Variants in TNRC6A observed in about 807,000 individuals in gnomAD.
TNRC6A encodes trinucleotide repeat containing adaptor 6A, also known as trinucleotide repeat-containing gene 6A protein.
A neutral mutation model predicts 221.2 loss-of-function variants in TNRC6A; 44 were observed. The observed-to-expected ratio is 0.20, with a 90% CI of 0.16 to 0.26. The LOEUF (loss-of-function observed/expected upper bound fraction) is 0.26, where lower values mean the gene tolerates loss of function less well. Among genes scored for constraint, TNRC6A ranks in the 10% least tolerant of loss-of-function variants. The pLI is 1.00. For missense variants in TNRC6A, 2,199 were observed against 2,404.4 expected, an observed-to-expected ratio of 0.91 and a Z score of 1.79; for synonymous variants, 847 against 838.5, an observed-to-expected ratio of 1.01 and a Z score of -0.18.
intron 18 of TNRC6A, 123 bp from the exon 19 acceptor site, chr16:24,815,024 C>G (rs1461523797): frequency 9.5e-7 from 1 of 1,054,130 alleles, no homozygotes; most frequent in African/African-American, 1.6e-5. Flanking sequence ...AAGAGTTACT[C>G]TAGAGAACAC....
At chr16:24,776,683 C>T in intron 4 of TNRC6A, 1 of 985,390 alleles carries the variant, frequency 1.0e-6, no homozygotes, top group South Asian at 4.7e-5. Context: ...AGATAGTGAA[C>T]ATGAGTTGTT....
chr16:24,741,337 C>G (rs897697990), intron 2 of TNRC6A, among the ~76,000 whole-genome samples: 1 of 152,096 alleles, frequency 6.6e-6, no homozygotes, highest in Admixed American at 6.5e-5. Context: ...GTGTTTTTGT[C>G]TTGTAAAAGG....
intron 2 of TNRC6A, among the ~76,000 whole-genome samples, chr16:24,681,998 C>T (rs1349900012): frequency 2.0e-5 from 3 of 152,170 alleles, no homozygotes; most frequent in Non-Finnish European, 4.4e-5. Flanking sequence ...CTGTTCCCCA[C>T]GGCCTCGCCA....
intron 4 of TNRC6A, among the ~76,000 whole-genome samples, chr16:24,771,947 A>T (rs2151663606): frequency 6.6e-6 from 1 of 152,350 alleles, no homozygotes; most frequent in Middle Eastern, 3.4e-3. Flanking sequence ...ATATAGTCAC[A>T]TCCATTTGTT....
intron 5 of TNRC6A, among the ~76,000 whole-genome samples, chr16:24,785,795 CCA>C (rs2057953688): frequency 6.6e-6 from 1 of 152,144 alleles, no homozygotes; most frequent in African/African-American, 2.4e-5. Context: ...GTGAAAGTGG[CCA>C]CACACACTTA....
At chr16:24,807,663 T>TA (rs1024909151) in intron 17 of TNRC6A, among the ~76,000 whole-genome samples, 3 of 151,456 alleles carry the variant, frequency 2.0e-5, no homozygotes, top group Admixed American at 6.6e-5. Flanking sequence ...TTTTCTCTGT[T>TA]ATCTCCAGGC....
chr16:24,787,243 A>C (rs2057993526), intron 5 of TNRC6A, among the ~76,000 whole-genome samples: 2 of 152,202 alleles, frequency 1.3e-5, no homozygotes, highest in South Asian at 4.1e-4. Context: ...CTGGTTTTGC[A>C]GATTTGGTCA....
chr16:24,816,396 C>G (rs967675688), intron 19 of TNRC6A: 1 of 157,738 alleles, frequency 6.3e-6, no homozygotes, highest in Non-Finnish European at 1.4e-5. Flanking sequence ...AATCCCAGCA[C>G]TTTGGGAGGC....
Position 24,758,355 on chromosome 16 carries a change from T to C in TNRC6A, c.158T>C (p.Ile53Thr), listed in dbSNP as rs375656692. 108 of 1,610,350 alleles carry C rather than the reference T, an allele frequency of 6.7e-5. No individual in the cohort carries two copies. The highest frequency in any genetic ancestry group is 8.6e-5 in the Non-Finnish European group (101 of 1,177,192). The part of the protein sequence containing the change: ...AAQKKATEQK[I>T]KVPEQIKPSV... ...TTATTTTAGGCCACTGAACAAAAAA[T>C]CAAAGGTACGTTGTTTAAAGCTATT... Residue 53 changes from isoleucine (I) to threonine (T), a missense_variant, in exon 4 of 25, where the codon ATC (isoleucine) becomes ACC (threonine). Around this residue, in one of 8 missense-constraint regions of TNRC6A, gnomAD observed 1,405 missense variants for 1,400.2 expected, o/e 1.00. Transcript: ENST00000395799.
intron 2 of TNRC6A, among the ~76,000 whole-genome samples, chr16:24,677,903 T>C (rs1359135239): frequency 1.3e-5 from 2 of 152,138 alleles, no homozygotes; most frequent in Middle Eastern, 3.2e-3. Flanking sequence ...TTTGTTTTGG[T>C]AGGTGTCCTG....
intron 2 of TNRC6A, among the ~76,000 whole-genome samples, chr16:24,741,425 GT>G (rs1388688681): frequency 2.0e-5 from 3 of 152,100 alleles, no homozygotes; most frequent in Admixed American, 2.0e-4. Context: ...TATTAACATG[GT>G]GTATTTCGTT....
At chr16:24,673,809 C>T (rs1371995923) in intron 2 of TNRC6A, among the ~76,000 whole-genome samples, 2 of 152,190 alleles carry the variant, frequency 1.3e-5, no homozygotes, top group Admixed American at 6.5e-5. Context: ...CTACCCACTT[C>T]GGCCTCCCAG....
intron 2 of TNRC6A, among the ~76,000 whole-genome samples, chr16:24,660,763 A>G (rs1260438177): frequency 5.7e-5 from 5 of 88,038 alleles, no homozygotes; most frequent in African/African-American, 2.8e-4. Context: ...TTTTTTTGAG[A>G]CGGAGTCTCG....
At chr16:24,720,787 G>A (rs1435795590) in intron 2 of TNRC6A, among the ~76,000 whole-genome samples, 2 of 151,088 alleles carry the variant, frequency 1.3e-5, no homozygotes, top group African/African-American at 2.4e-5. Context: ...TGTAATCCCA[G>A]CACTTTGGGA....
intron 1 of TNRC6A, among the ~76,000 whole-genome samples, chr16:24,628,056 T>C (rs1901124797): frequency 1.3e-5 from 2 of 152,112 alleles, no homozygotes; most frequent in African/African-American, 4.8e-5. Flanking sequence ...TATGTATAAA[T>C]ATAAAATATA....
At chr16:24,804,098 T>G in intron 11 of TNRC6A, 79 bp from the exon 12 acceptor site, 1 of 1,419,480 alleles carries the variant, frequency 7.0e-7, no homozygotes, top group South Asian at 1.5e-5. Flanking sequence ...GGAAAGTGAG[T>G]GTTTTGCTTT....
intron 12 of TNRC6A, 111 bp from the exon 13 acceptor site, chr16:24,804,594 T>A: frequency 1.4e-6 from 2 of 1,453,330 alleles, no homozygotes; most frequent in South Asian, 2.9e-5. Context: ...TTCTACCTGT[T>A]TCCTGTTGAT....
intron 2 of TNRC6A, among the ~76,000 whole-genome samples, chr16:24,708,247 T>TG (rs1352495048): frequency 1.6e-3 from 174 of 111,902 alleles, no homozygotes; most frequent in African/African-American, 7.8e-3. Context: ...TGGATGAGTT[T>TG]TTTTTTTTTT....
chr16:24,669,727 G>A (rs1200722381), intron 2 of TNRC6A, among the ~76,000 whole-genome samples: 6 of 151,948 alleles, frequency 3.9e-5, no homozygotes, highest in Non-Finnish European at 1.5e-5. Flanking sequence ...CAGCTGAATT[G>A]TGTAATCCCC....
Sources: allele counts gnomAD v4.1 joint callset (sites outside exome capture counted in the v4.1 genomes callset), GRCh38; gene constraint gnomAD v4.1.1; regional missense constraint gnomAD v4.1.1; transcripts MANE v1.5; gene names NCBI Gene and HGNC (gene_info 2026-07-23, HGNC 2026-07-21).